The following TFIP11 variants were observed in gnomAD, a reference collection of about 807,000 sequenced individuals.
TFIP11 encodes tuftelin-interacting protein 11.
In TFIP11, 86 loss-of-function variants were observed where a neutral mutation model predicts 96.8. The observed-to-expected ratio is 0.89, with a 90% CI of 0.75 to 1.06. TFIP11 has a LOEUF of 1.06. Among genes scored for constraint, TFIP11 ranks in the 50% least tolerant of loss-of-function variants. The pLI, the probability that TFIP11 is intolerant of heterozygous loss-of-function variation, is 0.00. For synonymous variants in TFIP11, 405 were observed against 395.2 expected (o/e 1.02, Z -0.29); for missense variants, 881 against 1,076.7 (o/e 0.82, Z 2.54).
At position 26,494,787 on chromosome 22, in the gene TFIP11, C is replaced by G; in HGVS notation, c.1992+10G>C. On this transcript the variant is annotated intron_variant, in intron 13 of 14. Transcript: ENST00000407690. ...CCCTCCCCCAGAAATCCAAGCAAAACAAAGTGTACCTGAAGCCACTTGGGG... is the reference window on the plus strand; with the variant it reads ...CCCTCCCCCAGAAATCCAAGCAAAAGAAAGTGTACCTGAAGCCACTTGGGG... 1 of 1,613,768 alleles carries G rather than the reference C, an allele frequency of 6.2e-7. No individual in the cohort carries two copies. The highest frequency in any genetic ancestry group is 1.7e-4 in the Middle Eastern group (1 of 6,060).
At chr22:26,508,813 C>G (rs990667301) in intron 4 of TFIP11, among the ~76,000 whole-genome samples, 6 of 150,610 alleles carry the variant, frequency 4.0e-5, no homozygotes, top group African/African-American at 1.5e-4. Context: ...CCACTGTACT[C>G]CAGCCTGGCG....
rs1921133535 is a variant in TFIP11 at position 26,491,243 on chromosome 22, G to GT, written c.*769dup. The GT allele has an allele frequency of 6.5e-6, 5 of 766,442 alleles. No homozygotes were observed. In the East Asian group the frequency reaches 7.9e-5, roughly 12 times the overall value. 47.5% of individuals were successfully genotyped at this position (766,442 alleles called of 1,614,324 possible). Reference sequence around the variant, plus strand: ...CTATGACTCTTTAATGCATCTCTTAGTTTTTTCCTTATTTCCTTTATTCTT... The same window carrying GT: ...CTATGACTCTTTAATGCATCTCTTAGTTTTTTTCCTTATTTCCTTTATTCTT... On this transcript the variant is annotated 3_prime_UTR_variant, in exon 15 of 15. Transcript: ENST00000407690.
chr22:26,500,828 C>G (rs1922686764), intron 8 of TFIP11, among the ~76,000 whole-genome samples: 1 of 151,232 alleles, frequency 6.6e-6, no homozygotes, highest in Admixed American at 6.6e-5. Flanking sequence ...CAAATGACAA[C>G]AGGCAACTGT....
At chr22:26,502,213 T>A in intron 7 of TFIP11, 161 bp from the exon 8 acceptor site, 1 of 762,794 alleles carries the variant, frequency 1.3e-6, no homozygotes. Flanking sequence ...ACACCAAAAC[T>A]ATCTAATGAT....
At chr22:26,496,599 T>C (rs953843568) in intron 11 of TFIP11, 122 bp downstream of exon 11, 6 of 1,284,180 alleles carry the variant, frequency 4.7e-6, no homozygotes, top group African/African-American at 4.4e-5. Context: ...TATAGGTCAA[T>C]AGTTGTGTTG....
chr22:26,497,673 C>T (rs547326257), intron 10 of TFIP11, among the ~76,000 whole-genome samples: 14 of 152,150 alleles, frequency 9.2e-5, no homozygotes, highest in Admixed American at 3.3e-4. Flanking sequence ...GTCAAGAGAT[C>T]GAGACCATCC....
chr22:26,498,193 GAC>G (rs1431483591), intron 10 of TFIP11, among the ~76,000 whole-genome samples: 1 of 152,218 alleles, frequency 6.6e-6, no homozygotes, highest in African/African-American at 2.4e-5. Flanking sequence ...GCATAAGAAT[GAC>G]ACAATGGACT....
chr22:26,498,758 G>A (rs1922373298), intron 10 of TFIP11, 111 bp downstream of exon 10: 4 of 791,092 alleles, frequency 5.1e-6, no homozygotes, highest in Non-Finnish European at 8.5e-6. Flanking sequence ...CTGTCAGCAT[G>A]AGCAGAGAAT....
intron 6 of TFIP11, 162 bp downstream of exon 6, chr22:26,506,141 G>A (rs1015735645): frequency 4.7e-6 from 3 of 644,018 alleles, no homozygotes; most frequent in African/African-American, 1.9e-5. Flanking sequence ...CTTGAGCTTT[G>A]ATAAAGCAAG....
intron 7 of TFIP11, 34 bp from the exon 8 acceptor site, chr22:26,502,086 G>A: frequency 6.2e-7 from 1 of 1,613,694 alleles, no homozygotes; most frequent in African/African-American, 1.3e-5. Flanking sequence ...ATGCAGCAAG[G>A]AACAACCACT....
At position 26,496,329 on chromosome 22, in the gene TFIP11, G is replaced by T; in HGVS notation, c.1606-13C>A. The stretch of plus-strand genomic sequence containing the variant: ...TCCAGTTTTCCACCTGCGAAGTGGG[G>T]AGGAGAAACAGTTCATGTCGCCTGT... On this transcript the variant is annotated splice_polypyrimidine_tract_variant and intron_variant, in intron 11 of 14. Transcript: ENST00000407690. 6.3e-7 allele frequency: 1 copy of T among 1,583,478 alleles called. No individual in the cohort carries two copies. The highest frequency in any genetic ancestry group is 8.6e-7 in the Non-Finnish European group (1 of 1,160,528).
chr22:26,506,552 A>G (rs1480243792), intron 5 of TFIP11, 93 bp from the exon 6 acceptor site: 1 of 1,470,866 alleles, frequency 6.8e-7, no homozygotes, highest in East Asian at 2.3e-5. Context: ...GGCCTAAGTT[A>G]TACAGCACTA....
chr22:26,494,372 A>G lies in TFIP11; in HGVS notation c.1993-68T>C, dbSNP rs561892979. ...TGAAGGCAAGATTTCTGAAGTGGCC[A>G]TTTGTTTTGTTTTGATCCTGGTCCT... is the stretch of plus-strand genomic sequence containing the variant. On this transcript the variant is annotated intron_variant, in intron 13 of 14. Coordinates refer to ENST00000407690, the MANE Select transcript of TFIP11 (RefSeq NM_012143.4). 3 of 1,595,350 alleles carry G rather than the reference A, an allele frequency of 1.9e-6. No homozygotes were observed. The African/African-American group carries it at 4.0e-5, about 21-fold the overall frequency.
At chr22:26,501,869 T>C in intron 8 of TFIP11, 31 bp downstream of exon 8, 1 of 1,561,430 alleles carries the variant, frequency 6.4e-7, no homozygotes, top group Non-Finnish European at 8.7e-7. Context: ...GGGGTGTGGA[T>C]CCTGTACCAG....
chr22:26,504,081 C>T (rs1196230837), intron 6 of TFIP11, among the ~76,000 whole-genome samples: 2 of 152,142 alleles, frequency 1.3e-5, no homozygotes, highest in East Asian at 3.9e-4. Context: ...AAACAGAACA[C>T]TACATTTATA....
Position 26,510,293 on chromosome 22 carries a change from G to A in TFIP11, c.-9-12C>T. The A allele has an allele frequency of 6.2e-7, 1 of 1,613,456 alleles. No individual in the cohort carries two copies. The highest frequency in any genetic ancestry group is 8.5e-7 in the Non-Finnish European group (1 of 1,179,420). On this transcript the variant is annotated splice_polypyrimidine_tract_variant and intron_variant, in intron 3 of 14. Transcript: ENST00000407690. ...GACATGGCCAGTCACTAAAGGAAGA[G>A]ACAAAAAGAGCACAGGCCGTAAGTC...
At chr22:26,493,539 A>G (rs1248541459) in intron 14 of TFIP11, 1 of 153,110 alleles carries the variant, frequency 6.5e-6, no homozygotes, top group East Asian at 1.9e-4. Context: ...ATGTAGAAAC[A>G]TAAATATACT....
chr22:26,502,049 A>G lies in TFIP11; in HGVS notation c.652T>C (p.Phe218Leu). ...VDSEEEAEEEFQKELSQWRKD... is the reference protein window; with the variant it reads ...VDSEEEAEEELQKELSQWRKD... The stretch of plus-strand genomic sequence containing the variant: ...CTCCACTGGCTCAGCTCCTTCTGAA[A>G]CTCCTGAACCAGAAGAATACAGTCA... Residue 218 changes from phenylalanine to leucine, a missense_variant, in exon 8 of 15, where the codon TTT (phenylalanine) becomes CTT (leucine). Physicochemically the swap from Phe to Leu is conservative, Grantham distance 22. Transcript: ENST00000407690. 1 of 1,613,912 alleles carries G rather than the reference A, an allele frequency of 6.2e-7. No homozygotes were observed. Among genetic ancestry groups the G allele is most frequent in the Non-Finnish European group, 8.5e-7 (1 of 1,179,990 alleles).
chr22:26,503,729 G>C lies in TFIP11; in HGVS notation c.585C>G (p.Ser195=). ...KGKGAVGAYG[S]ERTTQSMQDF... is the part of the protein sequence containing the mutation. ...CTTGCATGGACTGAGTGGTGCGCTC[G>C]GATCCATAAGCCCCCACAGCACCTT... Residue 195 remains serine (S), a synonymous_variant, in exon 7 of 15, where the codon TCC becomes TCG. Transcript: ENST00000407690. 6.2e-7 allele frequency: 1 copy of C among 1,613,878 alleles called. No homozygotes were observed. The highest frequency in any genetic ancestry group is 8.5e-7 in the Non-Finnish European group (1 of 1,179,994).
Sources: allele counts gnomAD v4.1 joint callset (sites outside exome capture counted in the v4.1 genomes callset), GRCh38; gene constraint gnomAD v4.1.1; transcripts MANE v1.5; gene names NCBI Gene and HGNC (gene_info 2026-07-23, HGNC 2026-07-21).